Variants in FSTL5 observed in about 807,000 individuals in gnomAD.
FSTL5 encodes the protein follistatin like 5.
In FSTL5, 62 loss-of-function variants were observed where a neutral mutation model predicts 89.1. The observed-to-expected ratio is 0.70, with a 90% confidence interval of 0.57 to 0.86. The LOEUF is 0.86. Ranked by LOEUF, FSTL5 falls within the 40% of genes least tolerant of loss-of-function variation. FSTL5 has a pLI of 0.00. For synonymous variants in FSTL5, 383 were observed against 346.2 expected (o/e 1.11, Z -1.18); for missense variants, 1,057 against 1,001.6 (o/e 1.06, Z -0.75).
At chr4:161,701,530 A>C (rs1414460005) in intron 6 of FSTL5, among the ~76,000 whole-genome samples, 1 of 152,016 alleles carries the variant, frequency 6.6e-6, no homozygotes, top group Non-Finnish European at 1.5e-5. Flanking sequence ...TTGAAAAGAA[A>C]CCAGTTAACC....
intron 3 of FSTL5, among the ~76,000 whole-genome samples, chr4:161,955,113 T>C (rs1734994200): frequency 6.6e-6 from 1 of 151,644 alleles, no homozygotes; most frequent in African/African-American, 2.4e-5. Context: ...AGTTATATAA[T>C]TTATGAGAAA....
chr4:161,915,513 G>C, intron 4 of FSTL5, among the ~76,000 whole-genome samples: 1 of 151,864 alleles, frequency 6.6e-6, no homozygotes, highest in East Asian at 1.9e-4. Flanking sequence ...TGTCTCCTAT[G>C]TATTTATAAA....
chr4:161,457,096 C>A (rs757053607), intron 14 of FSTL5, among the ~76,000 whole-genome samples: 8 of 152,134 alleles, frequency 5.3e-5, no homozygotes, highest in Non-Finnish European at 1.0e-4. Context: ...GGCATAAACA[C>A]TAACATGATC....
At chr4:162,149,996 A>AC (rs1307782988) in intron 1 of FSTL5, among the ~76,000 whole-genome samples, 2 of 152,170 alleles carry the variant, frequency 1.3e-5, no homozygotes, top group Non-Finnish European at 2.9e-5. Flanking sequence ...AATTAAGGAA[A>AC]TTTTTAATTT....
intron 6 of FSTL5, among the ~76,000 whole-genome samples, chr4:161,733,726 T>G (rs945316614): frequency 1.3e-5 from 2 of 152,014 alleles, no homozygotes; most frequent in African/African-American, 2.4e-5. Flanking sequence ...TATATTAAAA[T>G]TATTTTTATA....
At chr4:162,042,747 T>A (rs1335187539) in intron 2 of FSTL5, among the ~76,000 whole-genome samples, 1 of 151,816 alleles carries the variant, frequency 6.6e-6, no homozygotes, top group Non-Finnish European at 1.5e-5. Context: ...AAAAATACTA[T>A]GGAAAAGAAA....
intron 15 of FSTL5, among the ~76,000 whole-genome samples, chr4:161,407,169 T>G (rs533365182): frequency 1.3e-5 from 2 of 152,296 alleles, no homozygotes; most frequent in South Asian, 4.1e-4. Flanking sequence ...TCACGAATTG[T>G]ACACTTTAAA....
chr4:161,977,049 A>T (rs1735671169), intron 3 of FSTL5, among the ~76,000 whole-genome samples: 1 of 152,308 alleles, frequency 6.6e-6, no homozygotes, highest in African/African-American at 2.4e-5. Flanking sequence ...AAAATCACTG[A>T]TATTGTACAA....
At chr4:162,136,421 G>A (rs755226878) in intron 1 of FSTL5, among the ~76,000 whole-genome samples, 3 of 151,994 alleles carry the variant, frequency 2.0e-5, no homozygotes, top group Non-Finnish European at 4.4e-5. Context: ...ACTACTTACT[G>A]AGAGTGTGTC....
intron 15 of FSTL5, among the ~76,000 whole-genome samples, chr4:161,424,313 G>A (rs1247372639): frequency 6.6e-6 from 1 of 151,192 alleles, no homozygotes; most frequent in Admixed American, 6.6e-5. Flanking sequence ...TTTTGTCTTT[G>A]CATATATATT....
chr4:161,411,533 A>T (rs1200427347), intron 15 of FSTL5, among the ~76,000 whole-genome samples: 1 of 152,240 alleles, frequency 6.6e-6, no homozygotes, highest in Non-Finnish European at 1.5e-5. Context: ...CTAATTCAAC[A>T]TATGCAGATA....
chr4:162,049,820 T>C (rs1738322008), intron 2 of FSTL5, among the ~76,000 whole-genome samples: 1 of 152,010 alleles, frequency 6.6e-6, no homozygotes, highest in Non-Finnish European at 1.5e-5. Flanking sequence ...GCATGATGAC[T>C]ATACTTCAGA....
intron 7 of FSTL5, among the ~76,000 whole-genome samples, chr4:161,600,455 A>C (rs1286870326): frequency 6.6e-6 from 1 of 151,902 alleles, no homozygotes; most frequent in Non-Finnish European, 1.5e-5. Flanking sequence ...TTTTAATTGT[A>C]AGTGACCTAC....
intron 4 of FSTL5, among the ~76,000 whole-genome samples, chr4:161,845,609 C>G (rs752100024): frequency 2.0e-5 from 3 of 152,166 alleles, no homozygotes; most frequent in Non-Finnish European, 4.4e-5. Flanking sequence ...TACAAAGAAG[C>G]TCAAGACATG....
chr4:161,729,244 C>T (rs934744543), intron 6 of FSTL5, among the ~76,000 whole-genome samples: 6 of 152,040 alleles, frequency 3.9e-5, no homozygotes, highest in African/African-American at 4.8e-5. Flanking sequence ...TTTAAATTTA[C>T]GTTTAAGAAA....
At chr4:161,963,339 T>C (rs1275384844) in intron 3 of FSTL5, among the ~76,000 whole-genome samples, 1 of 151,936 alleles carries the variant, frequency 6.6e-6, no homozygotes, top group African/African-American at 2.4e-5. Context: ...TTTTAAGAAG[T>C]TGGTTTTGAA....
At chr4:161,601,124 G>A (rs1286505314) in intron 7 of FSTL5, among the ~76,000 whole-genome samples, 1 of 152,066 alleles carries the variant, frequency 6.6e-6, no homozygotes, top group Non-Finnish European at 1.5e-5. Context: ...CACAGACATA[G>A]AGAAGAGTCA....
At chr4:161,586,895 A>G (rs1560966923) in intron 8 of FSTL5, among the ~76,000 whole-genome samples, 1 of 152,220 alleles carries the variant, frequency 6.6e-6, no homozygotes, top group Non-Finnish European at 1.5e-5. Context: ...TAAATTATGG[A>G]AATGAAATAT....
At chr4:161,622,628 A>G (rs749201549) in intron 7 of FSTL5, among the ~76,000 whole-genome samples, 38 of 152,210 alleles carry the variant, frequency 2.5e-4, no homozygotes, top group Non-Finnish European at 4.0e-4. Flanking sequence ...TGAAAACTGT[A>G]CAATTTAATC....
Sources: gnomAD v4.1 joint callset for allele counts (sites outside exome capture counted in the v4.1 genomes callset) on GRCh38, gnomAD v4.1.1 for gene constraint, MANE v1.5 for transcripts, NCBI Gene and HGNC (gene_info 2026-07-23, HGNC 2026-07-21) for gene names.